Variants in NKD1 observed in about 807,000 individuals in gnomAD.
NKD1 encodes the protein NKD inhibitor of Wnt signaling pathway 1.
Under a neutral mutation model 56.0 loss-of-function variants are expected in NKD1, and 21 were observed. The ratio of observed to expected loss-of-function variants is 0.38; its 90% confidence interval spans 0.27 to 0.54. The LOEUF (loss-of-function observed/expected upper bound fraction) is 0.54, where lower values mean the gene tolerates loss of function less well. Among genes scored for constraint, NKD1 ranks in the 20% least tolerant of loss-of-function variants. NKD1 has a pLI of 0.82. For missense variants in NKD1, 578 were observed against 642.7 expected (o/e 0.90, Z 1.09); for synonymous variants, 263 against 265.7 (o/e 0.99, Z 0.10).
chr16:50,568,795 C>G (rs909072766), intron 3 of NKD1, among the ~76,000 whole-genome samples: 3 of 151,306 alleles, frequency 2.0e-5, no homozygotes, highest in Non-Finnish European at 4.4e-5. Context: ...GAAATTCTGC[C>G]CCCCCAGAGG....
At position 50,638,806 on chromosome 16, in the gene NKD1, G is replaced by A. The variant is rs1211143206; in HGVS notation, c.*5025G>A. On this transcript the variant is annotated 3_prime_UTR_variant, in exon 10 of 10. Transcript: ENST00000268459. ...TGAGACCCATTTGCCAGTAGCAGAC[G>A]GGGACCCTGGGGAGAAAATGGCAGA... is the stretch of plus-strand genomic sequence containing the variant. 2 of 152,208 alleles carry A rather than the reference G, an allele frequency of 1.3e-5. No individual in the cohort carries two copies. The highest frequency in any genetic ancestry group is 1.9e-4 in the East Asian group (1 of 5,194). 9.4% of individuals were successfully genotyped at this position (152,208 alleles called of 1,614,324 possible).
At chr16:50,618,220 T>A (rs1265256830) in intron 4 of NKD1, among the ~76,000 whole-genome samples, 1 of 152,096 alleles carries the variant, frequency 6.6e-6, no homozygotes, top group East Asian at 1.9e-4. Flanking sequence ...GACTTTCAAT[T>A]GAAGAGTGAT....
intron 3 of NKD1, chr16:50,607,099 C>T (rs774921597): frequency 3.8e-5 from 17 of 446,900 alleles, no homozygotes; most frequent in Admixed American, 1.7e-4. Context: ...AATGGGACAC[C>T]GGAGTCTGAA....
chr16:50,596,606 T>A (rs1961476932), intron 3 of NKD1, among the ~76,000 whole-genome samples: 1 of 152,272 alleles, frequency 6.6e-6, no homozygotes, highest in Non-Finnish European at 1.5e-5. Context: ...ACTACTTTTT[T>A]CTTTCAAGAA....
Position 50,623,532 on chromosome 16 carries a change from G to A in NKD1, c.366+1824G>A, listed in dbSNP as rs1034324717. 6.6e-5 allele frequency among the ~76,000 whole-genome samples: 10 copies of A among 152,152 alleles called. No homozygotes were observed. The highest frequency in any genetic ancestry group is 2.2e-4 in the African/African-American group (9 of 41,454). On this transcript the variant is annotated intron_variant, in intron 5 of 9. Transcript: ENST00000268459. The surrounding 1 kb of genome is among the most constrained non-coding windows in gnomAD (Gnocchi z 4.1). ...GCATCCTGCCTCCCTGGAAGCCCAAGTGCGCTTGCTTCTGGAGGGGCAGAC... is the reference window on the plus strand; with the variant it reads ...GCATCCTGCCTCCCTGGAAGCCCAAATGCGCTTGCTTCTGGAGGGGCAGAC...
chr16:50,576,376 G>A (rs1284183381), intron 3 of NKD1, among the ~76,000 whole-genome samples: 1 of 152,204 alleles, frequency 6.6e-6, no homozygotes, highest in East Asian at 1.9e-4. Flanking sequence ...AACCCCTAGT[G>A]ATGGTAATTC....
intron 4 of NKD1, chr16:50,613,739 T>C (rs1013642323): frequency 2.1e-5 from 3 of 142,528 alleles, no homozygotes; most frequent in African/African-American, 5.2e-5. Flanking sequence ...ATGTTTTAAC[T>C]TGGGTGGGGG....
rs1195703324 is a variant in NKD1, at chr16:50,648,728, C to T, written c.*14947C>T. The T allele has an allele frequency of 6.6e-6, 1 of 152,222 alleles. No individual in the cohort carries two copies. The highest frequency in any genetic ancestry group is 1.5e-5 in the Non-Finnish European group (1 of 68,034). The allele number at this position is 152,222 out of a possible 1,614,324, so 9.4% of individuals were successfully genotyped here. A position where few individuals can be genotyped will look rare whatever the true frequency, so the allele number is the denominator to read the frequency against. On this transcript the variant is annotated 3_prime_UTR_variant, in exon 10 of 10. Coordinates refer to ENST00000268459, the MANE Select transcript of NKD1 (RefSeq NM_033119.5). ...AATTTTGTGACTAAACTCTAGTCAACAGTAAGTGTCATGTAGCAGCTCCTG... is the reference window on the plus strand; with the variant it reads ...AATTTTGTGACTAAACTCTAGTCAATAGTAAGTGTCATGTAGCAGCTCCTG...
chr16:50,625,661 T>C, intron 6 of NKD1, 81 bp downstream of exon 6: 1 of 857,722 alleles, frequency 1.2e-6, no homozygotes, highest in Non-Finnish European at 2.0e-6. Flanking sequence ...CCACTGCCAC[T>C]TCTCTCCCCT....
At position 50,634,038 on chromosome 16, in the gene NKD1, C is replaced by G. The variant is rs189711034; in HGVS notation, c.*257C>G. The G allele has an allele frequency of 8.7e-4, 310 of 355,788 alleles. 2 individuals carry two copies. The highest frequency in any genetic ancestry group is 6.1e-3 in the African/African-American group (290 of 47,362). The allele number at this position is 355,788 out of a possible 1,614,324, so 22.0% of individuals were successfully genotyped here. A position where few individuals can be genotyped will look rare whatever the true frequency, so the allele number is the denominator to read the frequency against. On this transcript the variant is annotated 3_prime_UTR_variant, in exon 10 of 10. Coordinates refer to ENST00000268459, the MANE Select transcript of NKD1 (RefSeq NM_033119.5). ...TTGAGTGGCCTGTAATGGGCAGAGGCTCCCTCGGGGCTCGGGATCTGCAGC... is the reference window on the plus strand; with the variant it reads ...TTGAGTGGCCTGTAATGGGCAGAGGGTCCCTCGGGGCTCGGGATCTGCAGC...
At chr16:50,596,863 G>A (rs1303408060) in intron 3 of NKD1, among the ~76,000 whole-genome samples, 1 of 152,208 alleles carries the variant, frequency 6.6e-6, no homozygotes, top group Non-Finnish European at 1.5e-5. Flanking sequence ...GGAGGGAGGG[G>A]TTATCCAGAG....
rs139947926 is a variant in NKD1 at position 50,642,779 on chromosome 16, C to G, written c.*8998C>G. The G allele has an allele frequency of 6.6e-5, 10 of 152,400 alleles. No homozygotes were observed. In the East Asian group the frequency reaches 1.7e-3, roughly 26 times the overall value. 9.4% of individuals were successfully genotyped at this position (152,400 alleles called of 1,614,324 possible). On this transcript the variant is annotated 3_prime_UTR_variant, in exon 10 of 10. Coordinates refer to ENST00000268459, the MANE Select transcript of NKD1 (RefSeq NM_033119.5). The stretch of plus-strand genomic sequence containing the variant: ...GAAGGGTACCTGTCCTCCACCCCGG[C>G]TGCAGAGCCCCCAGTGAGACAGCTG...
intron 3 of NKD1, among the ~76,000 whole-genome samples, chr16:50,573,630 T>A (rs1960932679): frequency 6.6e-6 from 1 of 152,340 alleles, no homozygotes; most frequent in Admixed American, 6.5e-5. Flanking sequence ...CCTTTGCAGA[T>A]GTACCGCTTC....
chr16:50,552,985 A>C (rs1211037092), intron 3 of NKD1, among the ~76,000 whole-genome samples: 1 of 152,260 alleles, frequency 6.6e-6, no homozygotes, highest in Non-Finnish European at 1.5e-5. Context: ...TGGGAGGCGC[A>C]CGAGTACTGT....
At chr16:50,607,317 G>GT (rs201899085) in intron 3 of NKD1, 186 of 198,260 alleles carry the variant, frequency 9.4e-4, no homozygotes, top group South Asian at 1.4e-3. Context: ...AAGAGGACTG[G>GT]TTTTTTTTTA....
intron 4 of NKD1, among the ~76,000 whole-genome samples, chr16:50,615,148 A>G (rs1274177154): frequency 1.3e-5 from 2 of 152,216 alleles, no homozygotes; most frequent in African/African-American, 2.4e-5. Flanking sequence ...CTGGACAGGC[A>G]GGAACAGGTG....
chr16:50,581,283 C>G (rs1961110427), intron 3 of NKD1, among the ~76,000 whole-genome samples: 1 of 152,190 alleles, frequency 6.6e-6, no homozygotes, highest in Non-Finnish European at 1.5e-5. Context: ...AAATAAGTTC[C>G]TTAACTGCAG....
At chr16:50,621,151 A>C (rs1328711057) in intron 4 of NKD1, among the ~76,000 whole-genome samples, 1 of 152,258 alleles carries the variant, frequency 6.6e-6, no homozygotes, top group Non-Finnish European at 1.5e-5. Context: ...CCATCCACCA[A>C]GGTGCCGTAG....
chr16:50,561,853 G>A (rs1205764554), intron 3 of NKD1, among the ~76,000 whole-genome samples: 2 of 152,174 alleles, frequency 1.3e-5, no homozygotes, highest in East Asian at 1.9e-4. Flanking sequence ...ACAGTCTACC[G>A]GAGAGTAGGT....
Sources: allele counts gnomAD v4.1 joint callset (sites outside exome capture counted in the v4.1 genomes callset), GRCh38; gene constraint gnomAD v4.1.1; non-coding constraint Gnocchi (gnomAD v3.1); transcripts MANE v1.5; gene names NCBI Gene and HGNC (gene_info 2026-07-23, HGNC 2026-07-21).